The following HS6ST3 variants were observed in gnomAD, a reference collection of about 807,000 sequenced individuals.
The protein encoded by HS6ST3 is heparan sulfate 6-O-sulfotransferase 3, also known as heparan-sulfate 6-O-sulfotransferase 3.
HS6ST3 carries 12 observed loss-of-function variants against 36.7 expected under a neutral mutation model. That is an observed-to-expected ratio of 0.33 (90% confidence interval 0.21 to 0.53). The LOEUF (loss-of-function observed/expected upper bound fraction) is 0.53. Ranked by LOEUF, HS6ST3 falls within the 20% of genes least tolerant of loss-of-function variation. The probability of loss-of-function intolerance (pLI) is 0.95; values close to 1 mark genes in which losing one functional copy is unlikely to be tolerated. For missense variants in HS6ST3, 584 were observed against 640.9 expected (o/e 0.91, Z 0.96); for synonymous variants, 240 against 257.5 (o/e 0.93, Z 0.65).
chr13:96,226,906 A>C (rs2054483536), intron 1 of HS6ST3, among the ~76,000 whole-genome samples: 1 of 152,228 alleles, frequency 6.6e-6, no homozygotes, highest in African/African-American at 2.4e-5. Flanking sequence ...CATTATTCAC[A>C]TTAATTGATT....
chr13:96,359,216 T>A (rs12050064), intron 1 of HS6ST3, among the ~76,000 whole-genome samples: 58,205 of 151,830 alleles, frequency 0.38, 11,574 homozygotes, highest in African/African-American at 0.48. Flanking sequence ...AAATACATTA[T>A]GATTGATAAT....
intron 1 of HS6ST3, among the ~76,000 whole-genome samples, chr13:96,656,738 T>C (rs139296775): frequency 4.1e-3 from 629 of 152,206 alleles, no homozygotes; most frequent in African/African-American, 8.2e-3. Context: ...CTTCAATGAA[T>C]TGGCTATTCT....
In HS6ST3 at chr13:96,146,651, A is replaced by G. The variant is rs573622900; in HGVS notation, c.707+55082A>G. 3.0e-4 allele frequency among the ~76,000 whole-genome samples: 45 copies of G among 152,310 alleles called. No homozygotes were observed. In the East Asian group the frequency reaches 7.9e-3, roughly 27 times the overall value. On this transcript the variant is annotated intron_variant, in intron 1 of 1. Coordinates refer to ENST00000376705, the MANE Select transcript of HS6ST3 (RefSeq NM_153456.4). The stretch of plus-strand genomic sequence containing the variant: ...CATAAAGATGATGTCTCTTCTTCTC[A>G]TTCCTGCCTGACCCTGTTTTCTTGG...
chr13:96,826,211 A>C (rs72646761), intron 1 of HS6ST3, among the ~76,000 whole-genome samples: 13,535 of 152,122 alleles, frequency 0.089, 671 homozygotes, highest in Non-Finnish European at 0.11. Context: ...TGACTATTTC[A>C]CTCCATATCA....
At chr13:96,586,227 A>G (rs1338846245) in intron 1 of HS6ST3, among the ~76,000 whole-genome samples, 2 of 152,018 alleles carry the variant, frequency 1.3e-5, no homozygotes, top group Non-Finnish European at 2.9e-5. Flanking sequence ...AAGATATCTT[A>G]TTATGGCTTT....
At chr13:96,113,020 T>G (rs1033469095) in intron 1 of HS6ST3, among the ~76,000 whole-genome samples, 1 of 152,042 alleles carries the variant, frequency 6.6e-6, no homozygotes, top group Non-Finnish European at 1.5e-5. Context: ...TCTTGGGGAC[T>G]TCTAGTTTGG....
At chr13:96,262,127 A>G (rs1351790206) in intron 1 of HS6ST3, among the ~76,000 whole-genome samples, 1 of 152,226 alleles carries the variant, frequency 6.6e-6, no homozygotes, top group Admixed American at 6.5e-5. Flanking sequence ...AAAGTAAGAT[A>G]TCAACATCAT....
chr13:96,669,789 A>G (rs574972076), intron 1 of HS6ST3, among the ~76,000 whole-genome samples: 1 of 152,260 alleles, frequency 6.6e-6, no homozygotes, highest in South Asian at 2.1e-4. Flanking sequence ...TTCTAAGGCT[A>G]AAGTGGTAGG....
At chr13:96,657,372 G>C (rs1333685223) in intron 1 of HS6ST3, among the ~76,000 whole-genome samples, 1 of 151,914 alleles carries the variant, frequency 6.6e-6, no homozygotes, top group Non-Finnish European at 1.5e-5. Flanking sequence ...ACCAGCCTGG[G>C]CAATATAGGG....
At chr13:96,624,586 C>G (rs908712821) in intron 1 of HS6ST3, among the ~76,000 whole-genome samples, 4 of 152,288 alleles carry the variant, frequency 2.6e-5, no homozygotes, top group African/African-American at 9.6e-5. Context: ...TTTTGCAGCC[C>G]TGGCTCCCAT....
intron 1 of HS6ST3, among the ~76,000 whole-genome samples, chr13:96,611,570 A>G (rs1397927224): frequency 2.0e-5 from 3 of 152,342 alleles, no homozygotes; most frequent in Non-Finnish European, 4.4e-5. Flanking sequence ...TAATTAAGTT[A>G]AAATGAAATG....
At chr13:96,825,470 C>T (rs1878629015) in intron 1 of HS6ST3, among the ~76,000 whole-genome samples, 1 of 152,142 alleles carries the variant, frequency 6.6e-6, no homozygotes, top group South Asian at 2.1e-4. Flanking sequence ...AGAGCAGTGG[C>T]AGGCGGGTGC....
intron 1 of HS6ST3, among the ~76,000 whole-genome samples, chr13:96,388,699 G>A (rs571649536): frequency 1.3e-5 from 2 of 152,284 alleles, no homozygotes; most frequent in South Asian, 2.1e-4. Flanking sequence ...TTAAGGGTGG[G>A]ACCAGGTGGA....
chr13:96,380,172 C>T (rs996836916), intron 1 of HS6ST3, among the ~76,000 whole-genome samples: 7 of 151,908 alleles, frequency 4.6e-5, no homozygotes, highest in African/African-American at 1.5e-4. Context: ...TGAACAGTTT[C>T]AGTTGATTGA....
At chr13:96,585,136 A>G (rs1254799491) in intron 1 of HS6ST3, among the ~76,000 whole-genome samples, 2 of 152,196 alleles carry the variant, frequency 1.3e-5, no homozygotes, top group Non-Finnish European at 2.9e-5. Context: ...GTACTATATT[A>G]CTAATTAATG....
intron 1 of HS6ST3, among the ~76,000 whole-genome samples, chr13:96,591,500 A>G (rs2056382037): frequency 6.6e-6 from 1 of 152,052 alleles, no homozygotes; most frequent in Non-Finnish European, 1.5e-5. Flanking sequence ...CAGATTGTTC[A>G]CTGTTAGCAT....
At chr13:96,649,259 AG>A (rs2139011471) in intron 1 of HS6ST3, among the ~76,000 whole-genome samples, 1 of 152,172 alleles carries the variant, frequency 6.6e-6, no homozygotes, top group African/African-American at 2.4e-5. Flanking sequence ...TCATGGCAGA[AG>A]GGGAAGCAAA....
At chr13:96,697,141 A>C (rs1204002803) in intron 1 of HS6ST3, among the ~76,000 whole-genome samples, 1 of 151,756 alleles carries the variant, frequency 6.6e-6, no homozygotes, top group Non-Finnish European at 1.5e-5. Flanking sequence ...GTACCCATGG[A>C]GATTTTATAT....
At position 96,412,727 on chromosome 13, in the gene HS6ST3, C is replaced by G. The variant is rs533633620; in HGVS notation, c.707+321158C>G. 8.6e-5 allele frequency among the ~76,000 whole-genome samples: 13 copies of G among 151,794 alleles called. No individual in the cohort carries two copies. In the South Asian group the frequency reaches 2.5e-3, roughly 29 times the overall value. On this transcript the variant is annotated intron_variant, in intron 1 of 1. Transcript: ENST00000376705. ...TCTCTTTCTTCCAGTACTTTGTAGG[C>G]GCTCAGTAGAAACATCTCCAACTCA...
Sources: gnomAD v4.1 joint callset for allele counts (sites outside exome capture counted in the v4.1 genomes callset) on GRCh38, gnomAD v4.1.1 for gene constraint, MANE v1.5 for transcripts, NCBI Gene and HGNC (gene_info 2026-07-23, HGNC 2026-07-21) for gene names.